The following OR1D2 variants were observed in gnomAD, a reference collection of about 807,000 sequenced individuals.
OR1D2 encodes the protein olfactory receptor 1D2.
For missense variants in OR1D2, 357 were observed against 376.1 expected (o/e 0.95, Z 0.42); for synonymous variants, 157 against 153.9 (o/e 1.02, Z -0.15).
At chr17:3,102,686 C>T (rs1197573161) in intron 1 of OR1D2, among the ~76,000 whole-genome samples, 1 of 152,080 alleles carries the variant, frequency 6.6e-6, no homozygotes, top group East Asian at 1.9e-4. Context: ...GGATGGAGGA[C>T]AGCAATAATG....
chr17:3,100,791 A>G (rs1210313900), intron 1 of OR1D2, among the ~76,000 whole-genome samples: 4 of 152,208 alleles, frequency 2.6e-5, no homozygotes, highest in African/African-American at 9.6e-5. Flanking sequence ...CTAACGAAGA[A>G]GAAAAGAGAG....
In OR1D2 at chr17:3,101,257, A is replaced by G. The variant is rs562505879; in HGVS notation, c.-51+2842T>C. On this transcript the variant is annotated intron_variant, in intron 1 of 1. Transcript: ENST00000641833. ...CAGGCCAATATCCCTGAAGAACATC[A>G]ATGCAAAAATCCTCAATAAAATACT... Among the ~76,000 whole-genome samples, 7 of 152,288 alleles carry G rather than the reference A, an allele frequency of 4.6e-5. No homozygotes were observed. The East Asian group carries it at 1.3e-3, about 29-fold the overall frequency.
Position 3,099,154 on chromosome 17 carries a change from T to A in OR1D2, c.-51+4945A>T, listed in dbSNP as rs1050709796. 2.6e-5 allele frequency among the ~76,000 whole-genome samples: 4 copies of A among 152,092 alleles called. No homozygotes were observed. In the South Asian group the frequency reaches 8.3e-4, roughly 32 times the overall value. On this transcript the variant is annotated intron_variant, in intron 1 of 1. Transcript: ENST00000641833. ...CCCCAACTAGCAAGACAGGCCAACA[T>A]GCAAATTCAGAAAATACAGAGAACA...
Position 3,089,730 on chromosome 17 carries a change from T to TG in OR1D2, c.*2327dup, listed in dbSNP as rs532636692. 75 of 152,346 alleles carry TG rather than the reference T, an allele frequency of 4.9e-4. No individual in the cohort carries two copies. Among genetic ancestry groups the TG allele is most frequent in the African/African-American group, 1.6e-3 (68 of 41,556 alleles). The allele number at this position is 152,346 out of a possible 1,614,324, so 9.4% of individuals were successfully genotyped here. On this transcript the variant is annotated 3_prime_UTR_variant, in exon 2 of 2. Coordinates refer to ENST00000641833, the MANE Select transcript of OR1D2 (RefSeq NM_002548.3). ...GGCTTGCTGTGGCCACTGTGAGGGA[T>TG]GGGGGTGTGGTTAACAGGCCAATGA...
chr17:3,092,718 G>C lies in OR1D2; in HGVS notation c.279C>G (p.Ser93=). 6.2e-7 allele frequency: 1 copy of C among 1,614,116 alleles called. No individual in the cohort carries two copies. The highest frequency in any genetic ancestry group is 8.5e-7 in the Non-Finnish European group (1 of 1,180,034). The part of the protein sequence containing the change: ...VNLQSHNKAI[S]YAGCLTQLYF... ...AGAGCTGTGTCAGACACCCTGCATAGGAGATGGCTTTGTTATGGGACTGGA... is the reference window on the plus strand; with the variant it reads ...AGAGCTGTGTCAGACACCCTGCATACGAGATGGCTTTGTTATGGGACTGGA... Residue 93 remains serine, a synonymous_variant, in exon 2 of 2, where the codon TCC becomes TCG. Transcript: ENST00000641833.
intron 1 of OR1D2, among the ~76,000 whole-genome samples, chr17:3,101,512 G>A (rs948325734): frequency 2.6e-5 from 4 of 152,126 alleles, no homozygotes; most frequent in Non-Finnish European, 5.9e-5. Flanking sequence ...AGGTATTGAT[G>A]GAACGTATCT....
chr17:3,103,713 G>C (rs555273767), intron 1 of OR1D2, among the ~76,000 whole-genome samples: 4 of 152,206 alleles, frequency 2.6e-5, no homozygotes, highest in Admixed American at 6.5e-5. Flanking sequence ...GGGGTGTGAG[G>C]GGGGAGATTG....
chr17:3,094,985 A>G (rs190662314), intron 1 of OR1D2, among the ~76,000 whole-genome samples: 1 of 152,162 alleles, frequency 6.6e-6, no homozygotes, highest in East Asian at 1.9e-4. Flanking sequence ...GAAGAGAAAA[A>G]ATGAAGAAAA....
intron 1 of OR1D2, among the ~76,000 whole-genome samples, chr17:3,096,689 T>C (rs2151707696): frequency 6.6e-6 from 1 of 152,338 alleles, no homozygotes; most frequent in African/African-American, 2.4e-5. Context: ...GATATAACAA[T>C]TGTAAACATA....
At chr17:3,097,452 G>A (rs916448974) in intron 1 of OR1D2, among the ~76,000 whole-genome samples, 1 of 152,126 alleles carries the variant, frequency 6.6e-6, no homozygotes, top group Non-Finnish European at 1.5e-5. Flanking sequence ...CTCTAAATAC[G>A]AGTCCCCACC....
intron 1 of OR1D2, among the ~76,000 whole-genome samples, chr17:3,103,520 CTT>C (rs982193827): frequency 2.0e-5 from 3 of 152,222 alleles, no homozygotes; most frequent in African/African-American, 7.2e-5. Flanking sequence ...GACTCTCTCT[CTT>C]GAAGTCCTGA....
At chr17:3,093,171 A>T in intron 1 of OR1D2, 125 bp from the exon 2 acceptor site, 2 of 643,504 alleles carry the variant, frequency 3.1e-6, no homozygotes, top group Non-Finnish European at 5.4e-6. Context: ...TTTTTATGCG[A>T]TATAATTATT....
rs564465670 is a variant in OR1D2, at chr17:3,089,301, G to C, written c.*2757C>G. The C allele has an allele frequency of 6.6e-6, 1 of 152,384 alleles. No homozygotes were observed. Among genetic ancestry groups the C allele is most frequent in the Non-Finnish European group, 1.5e-5 (1 of 68,092 alleles). 9.4% of individuals were successfully genotyped at this position (152,384 alleles called of 1,614,324 possible). A position where few individuals can be genotyped will look rare whatever the true frequency, so the allele number is the denominator to read the frequency against. Reference sequence around the variant, plus strand: ...CTTCTGGGCTCTGAGCTGGTACTGGGGGGTGTCTGTGAAGAGTCCTGTGAT... The same window carrying C: ...CTTCTGGGCTCTGAGCTGGTACTGGCGGGTGTCTGTGAAGAGTCCTGTGAT... On this transcript the variant is annotated 3_prime_UTR_variant, in exon 2 of 2. Transcript: ENST00000641833.
Position 3,092,554 on chromosome 17 carries a change from C to G in OR1D2, c.443G>C (p.Cys148Ser). The part of the protein sequence containing the change: ...PKLCILLLSL[C>S]WVLSVLYGLI... ...GCCATAGAGGACGGATAGGACCCAA[C>G]ACAAGGAAAGGAGTAAGATACAGAG... Residue 148 changes from cysteine to serine, a missense_variant, in exon 2 of 2, where the codon TGT becomes TCT. Physicochemically the swap from Cys to Ser is moderately radical, Grantham distance 112. Transcript: ENST00000641833. 4 of 1,614,078 alleles carry G rather than the reference C, an allele frequency of 2.5e-6. No homozygotes were observed. The highest frequency in any genetic ancestry group is 3.4e-6 in the Non-Finnish European group (4 of 1,180,018).
rs1597252712 is a variant in OR1D2, at chr17:3,089,013, T to C, written c.*3045A>G. On this transcript the variant is annotated 3_prime_UTR_variant, in exon 2 of 2. Transcript: ENST00000641833. Reference sequence around the variant, plus strand: ...AGATTTCTTCTTGGTTTGGATCCATTGCTGGTGAGCTAGTGTGATCTTTCA... The same window carrying C: ...AGATTTCTTCTTGGTTTGGATCCATCGCTGGTGAGCTAGTGTGATCTTTCA... The C allele has an allele frequency of 3.9e-5, 6 of 152,332 alleles. No individual in the cohort carries two copies. The highest frequency in any genetic ancestry group is 1.5e-5 in the Non-Finnish European group (1 of 68,028). The allele number at this position is 152,332 out of a possible 1,614,324, so 9.4% of individuals were successfully genotyped here. A position where few individuals can be genotyped will look rare whatever the true frequency, so the allele number is the denominator to read the frequency against.
At chr17:3,098,437 T>C (rs1178742588) in intron 1 of OR1D2, among the ~76,000 whole-genome samples, 6 of 151,906 alleles carry the variant, frequency 3.9e-5, no homozygotes, top group Admixed American at 2.6e-4. Context: ...GACCTGAGCA[T>C]TGAAAGAAAA....
intron 1 of OR1D2, among the ~76,000 whole-genome samples, chr17:3,098,632 T>C (rs1433039163): frequency 6.6e-6 from 1 of 152,152 alleles, no homozygotes; most frequent in Non-Finnish European, 1.5e-5. Context: ...CTCCAGATAG[T>C]TGCAATACCT....
At chr17:3,095,664 A>G (rs1391825559) in intron 1 of OR1D2, among the ~76,000 whole-genome samples, 3 of 151,876 alleles carry the variant, frequency 2.0e-5, no homozygotes, top group African/African-American at 7.2e-5. Flanking sequence ...TATCTATGTA[A>G]TATTTTACAT....
At chr17:3,103,381 C>T (rs2047882885) in intron 1 of OR1D2, among the ~76,000 whole-genome samples, 1 of 152,160 alleles carries the variant, frequency 6.6e-6, no homozygotes. Context: ...TCTGGGATTA[C>T]AGGCGTGAGC....
Sources: allele counts gnomAD v4.1 joint callset (sites outside exome capture counted in the v4.1 genomes callset), GRCh38; gene constraint gnomAD v4.1.1; transcripts MANE v1.5; gene names NCBI Gene and HGNC (gene_info 2026-07-23, HGNC 2026-07-21).